MCPH1: variants seen among roughly 807,000 people sequenced by gnomAD.
The protein encoded by MCPH1 is microcephalin.
In MCPH1, 104 loss-of-function variants were observed where a neutral mutation model predicts 84.5. The ratio of observed to expected loss-of-function variants is 1.23; its 90% CI spans 1.05 to 1.45. The LOEUF is 1.45. Ranked by LOEUF, MCPH1 falls within the 40% of genes most tolerant of loss-of-function variation. The probability of loss-of-function intolerance (pLI) is 0.00; values close to 1 mark genes in which losing one functional copy is unlikely to be tolerated. For missense variants in MCPH1, 1,498 were observed against 1,005.7 expected (o/e 1.49, Z -6.62); for synonymous variants, 514 against 366.8 (o/e 1.40, Z -4.58).
At chr8:6,456,208 C>G (rs962722555) in intron 9 of MCPH1, among the ~76,000 whole-genome samples, 1 of 152,128 alleles carries the variant, frequency 6.6e-6, no homozygotes, top group African/African-American at 2.4e-5. Flanking sequence ...TCAGGTAAAG[C>G]AACAGATGTG....
intron 12 of MCPH1, chr8:6,514,638 A>C: frequency 1.9e-6 from 3 of 1,566,828 alleles, no homozygotes; most frequent in South Asian, 2.2e-5. Flanking sequence ...ATTTTTCACA[A>C]GGGAAATTCT....
chr8:6,627,043 G>A, intron 13 of MCPH1: 1 of 984,938 alleles, frequency 1.0e-6, no homozygotes, highest in Non-Finnish European at 1.2e-6. Context: ...AAGAAAATTT[G>A]GTTTGAACAT....
At chr8:6,422,039 A>T (rs567810515) in intron 3 of MCPH1, among the ~76,000 whole-genome samples, 1 of 152,290 alleles carries the variant, frequency 6.6e-6, no homozygotes, top group East Asian at 1.9e-4. Flanking sequence ...TTCAAGCCCT[A>T]TTTGTTATTC....
At chr8:6,513,805 C>T in intron 12 of MCPH1, 1 of 1,613,822 alleles carries the variant, frequency 6.2e-7, no homozygotes, top group Non-Finnish European at 8.5e-7. Flanking sequence ...GAAACAAACT[C>T]ATTTCCCAGC....
intron 11 of MCPH1, among the ~76,000 whole-genome samples, chr8:6,497,933 T>A (rs1811447257): frequency 1.3e-5 from 2 of 152,190 alleles, no homozygotes; most frequent in African/African-American, 4.8e-5. Context: ...GAAGTCTGCC[T>A]TACAAGTTTG....
At chr8:6,468,463 T>C (rs1017490407) in intron 9 of MCPH1, among the ~76,000 whole-genome samples, 4 of 152,100 alleles carry the variant, frequency 2.6e-5, no homozygotes, top group Non-Finnish European at 2.9e-5. Flanking sequence ...AGATCTAACA[T>C]TGGGGCTCCC....
At chr8:6,468,631 A>T (rs531964639) in intron 9 of MCPH1, among the ~76,000 whole-genome samples, 2 of 146,040 alleles carry the variant, frequency 1.4e-5, no homozygotes. Context: ...AACTACTTGG[A>T]TGTACATTTT....
chr8:6,509,690 A>G (rs374141091), intron 12 of MCPH1, among the ~76,000 whole-genome samples: 24 of 152,206 alleles, frequency 1.6e-4, no homozygotes, highest in African/African-American at 5.1e-4. Flanking sequence ...CCATGGGGCT[A>G]TGTTCTGATA....
At chr8:6,444,202 C>A (rs1201625249) in intron 7 of MCPH1, among the ~76,000 whole-genome samples, 191 bp from the exon 8 acceptor site, 1 of 152,160 alleles carries the variant, frequency 6.6e-6, no homozygotes, top group East Asian at 1.9e-4. Flanking sequence ...CCCATCAAAG[C>A]CCAGGTTCTC....
chr8:6,577,704 A>G (rs889759684), intron 12 of MCPH1, among the ~76,000 whole-genome samples: 2 of 152,248 alleles, frequency 1.3e-5, no homozygotes, highest in Non-Finnish European at 2.9e-5. Context: ...GCTAAGCACT[A>G]CACTGTATTA....
At chr8:6,593,150 C>G (rs1161884876) in intron 12 of MCPH1, among the ~76,000 whole-genome samples, 1 of 137,402 alleles carries the variant, frequency 7.3e-6, no homozygotes, top group Non-Finnish European at 1.5e-5. Flanking sequence ...ATGGCACAAT[C>G]TTGGCTCACT....
At position 6,555,892 on chromosome 8, in the gene MCPH1, T is replaced by G. The variant is rs543930046; in HGVS notation, c.2214+55963T>G. On this transcript the variant is annotated intron_variant, in intron 12 of 13. Transcript: ENST00000344683. ...ACAGGATATTCCCAGTTGCTTGTTT[T>G]TGCTTGTTTTCCTAGCAGCTTCAGC... Among the ~76,000 whole-genome samples, 5 of 152,316 alleles carry G rather than the reference T, an allele frequency of 3.3e-5. No individual in the cohort carries two copies. The East Asian group carries it at 9.6e-4, about 29-fold the overall frequency.
At chr8:6,597,892 T>C (rs993252226) in intron 12 of MCPH1, among the ~76,000 whole-genome samples, 1 of 152,176 alleles carries the variant, frequency 6.6e-6, no homozygotes, top group Non-Finnish European at 1.5e-5. Flanking sequence ...AGAAGAAACG[T>C]GAGCTCTCCA....
rs531818593 is a variant in MCPH1, at chr8:6,555,984, C to T, written c.2214+56055C>T. Among the ~76,000 whole-genome samples the T allele has an allele frequency of 2.0e-5, 3 of 152,268 alleles. No homozygotes were observed. In the East Asian group the frequency reaches 5.8e-4, roughly 29 times the overall value. On this transcript the variant is annotated intron_variant, in intron 12 of 13. Coordinates refer to ENST00000344683, the MANE Select transcript of MCPH1 (RefSeq NM_024596.5). ...GGTGAGAACAAAGCTGTGCTCTCAG[C>T]AATCGGAATCTGTCAAGTCTGCTGT...
chr8:6,576,731 A>T (rs1400992650), intron 12 of MCPH1, among the ~76,000 whole-genome samples: 3 of 71,254 alleles, frequency 4.2e-5, no homozygotes, highest in African/African-American at 1.0e-4. Context: ...TTTTTTTAGT[A>T]GAGATGGGTT....
At chr8:6,414,738 A>AT in intron 2 of MCPH1, 27 bp from the exon 3 acceptor site, 1 of 1,611,778 alleles carries the variant, frequency 6.2e-7, no homozygotes, top group Non-Finnish European at 8.5e-7. Context: ...AGTAATGTAC[A>AT]TTTTGTTTTC....
chr8:6,495,636 C>G (rs1033153291), intron 11 of MCPH1, among the ~76,000 whole-genome samples: 4 of 152,094 alleles, frequency 2.6e-5, no homozygotes, highest in Non-Finnish European at 4.4e-5. Flanking sequence ...ACTTTTGTTA[C>G]GCTTATAATA....
intron 12 of MCPH1, among the ~76,000 whole-genome samples, chr8:6,550,023 C>T (rs1823344539): frequency 6.6e-6 from 1 of 152,184 alleles, no homozygotes; most frequent in African/African-American, 2.4e-5. Context: ...GGACGGGGGA[C>T]GTGCTGTGAA....
intron 9 of MCPH1, among the ~76,000 whole-genome samples, chr8:6,462,378 T>G (rs1410059870): frequency 6.6e-6 from 1 of 152,248 alleles, no homozygotes; most frequent in Admixed American, 6.5e-5. Flanking sequence ...AAGTGCTCAG[T>G]AAATATTTTC....
Sources: gnomAD v4.1 joint callset for allele counts (sites outside exome capture counted in the v4.1 genomes callset) on GRCh38, gnomAD v4.1.1 for gene constraint, MANE v1.5 for transcripts, NCBI Gene and HGNC (gene_info 2026-07-23, HGNC 2026-07-21) for gene names.